The following DSCAML1 variants were observed in gnomAD, a reference collection of about 807,000 sequenced individuals.
DSCAML1 encodes the protein DS cell adhesion molecule like 1.
In DSCAML1, 38 loss-of-function variants were observed where a neutral mutation model predicts 200.5. The observed-to-expected ratio is 0.19, with a 90% CI of 0.15 to 0.25. The LOEUF is 0.25. Ranked by LOEUF, DSCAML1 falls within the 10% of genes least tolerant of loss-of-function variation. DSCAML1 has a pLI of 1.00. For synonymous variants in DSCAML1, 1,215 were observed against 1,165.0 expected, an observed-to-expected ratio of 1.04 and a Z score of -0.87; for missense variants, 2,223 against 2,858.8, an observed-to-expected ratio of 0.78 and a Z score of 5.07.
intron 3 of DSCAML1, among the ~76,000 whole-genome samples, chr11:117,722,646 A>G (rs1182762724): frequency 6.6e-6 from 1 of 152,162 alleles, no homozygotes; most frequent in East Asian, 1.9e-4. Flanking sequence ...TATCTCATAA[A>G]CATATACAAT....
At chr11:117,578,126 T>C (rs567763168) in intron 3 of DSCAML1, among the ~76,000 whole-genome samples, 3 of 147,886 alleles carry the variant, frequency 2.0e-5, no homozygotes, top group African/African-American at 5.0e-5. Context: ...TCCCAGCTAC[T>C]CGGGAGGCTG....
rs1722216331 is a variant in DSCAML1 at position 117,780,229 on chromosome 11, A to C, written c.364+264T>G. On this transcript the variant is annotated intron_variant, in intron 2 of 32. Transcript: ENST00000651296. This position sits in a 1 kb window ranked among gnomAD's most constrained non-coding sequence, Gnocchi z 4.8. ...AGAAAGAGAGAGAGAGAAAGAAAGA[A>C]AGGAAAGAAAGAAAGAAAGAAAGAA... Among the ~76,000 whole-genome samples, 1 of 111,304 alleles carries C rather than the reference A, an allele frequency of 9.0e-6. No individual in the cohort carries two copies. The highest frequency in any genetic ancestry group is 4.1e-5 in the African/African-American group (1 of 24,442). 73.0% of individuals were successfully genotyped at this position (111,304 alleles called of 152,430 possible).
intron 3 of DSCAML1, among the ~76,000 whole-genome samples, chr11:117,664,564 C>T (rs1447830461): frequency 6.6e-6 from 1 of 152,132 alleles, no homozygotes; most frequent in Non-Finnish European, 1.5e-5. Flanking sequence ...ATGAAAAGTA[C>T]CTAGCGCTGT....
At chr11:117,732,888 C>T (rs527299515) in intron 3 of DSCAML1, among the ~76,000 whole-genome samples, 6 of 152,034 alleles carry the variant, frequency 3.9e-5, no homozygotes, top group South Asian at 4.2e-4. Flanking sequence ...CTACGAACGT[C>T]GGTATGATAA....
intron 3 of DSCAML1, among the ~76,000 whole-genome samples, chr11:117,543,050 C>G (rs1242657744): frequency 6.6e-6 from 1 of 152,228 alleles, no homozygotes; most frequent in Non-Finnish European, 1.5e-5. Context: ...CTAGCCAGGG[C>G]CACAGTAGGT....
chr11:117,700,624 TG>T (rs2053650595), intron 3 of DSCAML1, among the ~76,000 whole-genome samples: 1 of 152,186 alleles, frequency 6.6e-6, no homozygotes, highest in Non-Finnish European at 1.5e-5. Flanking sequence ...CGTGACAAGC[TG>T]GGTTCCTAGG....
chr11:117,551,084 C>T (rs597583), intron 3 of DSCAML1, among the ~76,000 whole-genome samples: 3 of 152,074 alleles, frequency 2.0e-5, no homozygotes, highest in African/African-American at 7.2e-5. Context: ...ATTCACCCTA[C>T]ACGTTGCGTT....
chr11:117,477,198 G>GACACACACACAC (rs60376380), intron 14 of DSCAML1, among the ~76,000 whole-genome samples: 9,380 of 144,530 alleles, frequency 0.065, 382 homozygotes, highest in East Asian at 0.13. Context: ...GCTGTCCTTA[G>GACACACACACAC]ACACACACAC....
intron 1 of DSCAML1, among the ~76,000 whole-genome samples, chr11:117,809,548 CCACT>C (rs1274592807): frequency 1.3e-5 from 2 of 152,284 alleles, no homozygotes; most frequent in East Asian, 3.9e-4. Context: ...TAGACGGCGG[CCACT>C]CAAATTCTCC....
intron 3 of DSCAML1, among the ~76,000 whole-genome samples, chr11:117,687,819 G>A (rs1483094461): frequency 6.6e-6 from 1 of 152,216 alleles, no homozygotes; most frequent in African/African-American, 2.4e-5. Flanking sequence ...GATGGCACAT[G>A]TCCTGCACTC....
At chr11:117,586,117 T>C (rs2051136190) in intron 3 of DSCAML1, among the ~76,000 whole-genome samples, 1 of 152,128 alleles carries the variant, frequency 6.6e-6, no homozygotes, top group Non-Finnish European at 1.5e-5. Context: ...CTTTTGCAGA[T>C]CTAGGAAATA....
chr11:117,605,187 C>T (rs1262478129), intron 3 of DSCAML1, among the ~76,000 whole-genome samples: 1 of 152,092 alleles, frequency 6.6e-6, no homozygotes. Context: ...CGCCACCATG[C>T]CCGGCTGCTC....
At chr11:117,439,066 G>A in intron 23 of DSCAML1, 83 bp from the exon 24 acceptor site, 1 of 1,410,434 alleles carries the variant, frequency 7.1e-7, no homozygotes, top group Non-Finnish European at 9.6e-7. Flanking sequence ...ACGGGAAGGT[G>A]CTGGCTCTCC....
chr11:117,495,544 C>T (rs1236040654), intron 11 of DSCAML1, among the ~76,000 whole-genome samples: 10 of 152,150 alleles, frequency 6.6e-5, no homozygotes, highest in East Asian at 1.9e-4. Context: ...GCCAATCACA[C>T]GAGTCATGAG....
In DSCAML1 at chr11:117,518,623, A is replaced by G. The variant is rs1012400105; in HGVS notation, c.1353T>C (p.Asp451=). ...WALDDEPIVR[D]GSHRTNQYTM... ...TGTACTGGTTGGTGCGGTGGCTGCCATCCCGCACGATGGGCTCATCGTCGA... is the reference window on the plus strand; with the variant it reads ...TGTACTGGTTGGTGCGGTGGCTGCCGTCCCGCACGATGGGCTCATCGTCGA... Residue 451 remains aspartate, a synonymous_variant, in exon 7 of 33, where the codon GAT becomes GAC. Transcript: ENST00000651296. This position sits in a 1 kb window ranked among gnomAD's most constrained non-coding sequence, Gnocchi z 6.3. 5.0e-6 allele frequency: 8 copies of G among 1,613,510 alleles called. No individual in the cohort carries two copies. The African/African-American group carries it at 1.1e-4, about 22-fold the overall frequency.
intron 3 of DSCAML1, among the ~76,000 whole-genome samples, chr11:117,600,358 G>A (rs1426621758): frequency 2.0e-5 from 3 of 152,098 alleles, no homozygotes; most frequent in Non-Finnish European, 2.9e-5. Flanking sequence ...CGCCTCTCCC[G>A]GCTGAGCTGG....
At position 117,513,739 on chromosome 11, in the gene DSCAML1, T is replaced by TAAAAAA. The variant is rs1395119691; in HGVS notation, c.1783+2727_1783+2728insTTTTTT. 1.9e-4 allele frequency among the ~76,000 whole-genome samples: 14 copies of TAAAAAA among 73,104 alleles called. No homozygotes were observed. In the Admixed American group the frequency reaches 1.9e-3, roughly 10 times the overall value. The allele number at this position is 73,104 out of a possible 152,430, so 48.0% of individuals were successfully genotyped here. ...CTGGGTGACAGAGCAAGACTCTATC[T>TAAAAAA]CAAAAAAAAAAAAAAAAAAAAAGTC... On this transcript the variant is annotated intron_variant, in intron 8 of 32. Coordinates refer to ENST00000651296, the MANE Select transcript of DSCAML1 (RefSeq NM_020693.4).
intron 3 of DSCAML1, among the ~76,000 whole-genome samples, chr11:117,547,574 A>G (rs566851779): frequency 1.3e-5 from 2 of 152,224 alleles, no homozygotes; most frequent in East Asian, 3.9e-4. Flanking sequence ...TAGCAGGGAT[A>G]TGCTTTCTGA....
chr11:117,559,495 G>C (rs531040330), intron 3 of DSCAML1, among the ~76,000 whole-genome samples: 2 of 152,166 alleles, frequency 1.3e-5, no homozygotes, highest in Admixed American at 6.5e-5. Flanking sequence ...ACTATGTATG[G>C]ATTTATGATT....
Sources: allele counts gnomAD v4.1 joint callset (sites outside exome capture counted in the v4.1 genomes callset), GRCh38; gene constraint gnomAD v4.1.1; non-coding constraint Gnocchi (gnomAD v3.1); transcripts MANE v1.5; gene names NCBI Gene and HGNC (gene_info 2026-07-23, HGNC 2026-07-21).